AGBL1: variants seen among roughly 807,000 people sequenced by gnomAD.
AGBL1 encodes AGBL carboxypeptidase 1, also known as cytosolic carboxypeptidase 4.
Under a neutral mutation model 118.9 loss-of-function variants are expected in AGBL1, and 130 were observed. The ratio of observed to expected loss-of-function variants is 1.09; its 90% CI spans 0.95 to 1.26. The LOEUF is 1.26. Ranked by LOEUF, AGBL1 falls within the 50% of genes most tolerant of loss-of-function variation. The pLI is 0.00. For synonymous variants in AGBL1, 555 were observed against 478.9 expected (o/e 1.16, Z -2.08); for missense variants, 1,584 against 1,298.1 (o/e 1.22, Z -3.38).
At chr15:86,539,072 A>G (rs1366041809) in intron 19 of AGBL1, among the ~76,000 whole-genome samples, 1 of 132,862 alleles carries the variant, frequency 7.5e-6, no homozygotes. Flanking sequence ...GGTCCTAGGA[A>G]GATGCATAAT....
chr15:86,188,760 G>T lies in AGBL1; in HGVS notation c.488+29734G>T, dbSNP rs2077671680. Among the ~76,000 whole-genome samples, 2 of 152,184 alleles carry T rather than the reference G, an allele frequency of 1.3e-5. 1 individual carries two copies. Among genetic ancestry groups the T allele is most frequent in the South Asian group, 4.1e-4 (2 of 4,832 alleles). On this transcript the variant is annotated intron_variant, in intron 5 of 22. Transcript: ENST00000614907. ...ATGTGCCTACAAGATGGTACATCTT[G>T]ATATACTGTTGCTGGCCATAGAAAA... is the stretch of plus-strand genomic sequence containing the variant.
chr15:87,014,758 C>A (rs2081593084), intron 24 of AGBL1, among the ~76,000 whole-genome samples: 1 of 152,104 alleles, frequency 6.6e-6, no homozygotes, highest in South Asian at 2.1e-4. Context: ...TGGGGGAATA[C>A]CTGAACAAGG....
At chr15:86,225,543 G>A (rs1268154628) in intron 6 of AGBL1, among the ~76,000 whole-genome samples, 1 of 152,096 alleles carries the variant, frequency 6.6e-6, no homozygotes, top group Non-Finnish European at 1.5e-5. Context: ...ATAGCTCTGG[G>A]GTTCTGAATA....
At chr15:86,703,128 G>T (rs1428697763) in intron 22 of AGBL1, among the ~76,000 whole-genome samples, 2 of 152,168 alleles carry the variant, frequency 1.3e-5, no homozygotes, top group African/African-American at 2.4e-5. Flanking sequence ...GTAGAGTGGT[G>T]ATAATGAATC....
intron 21 of AGBL1, among the ~76,000 whole-genome samples, chr15:86,562,720 A>C (rs187096219): frequency 0.011 from 1,666 of 152,298 alleles, 37 homozygotes; most frequent in African/African-American, 0.038. Flanking sequence ...AAGGAATGGT[A>C]CCAGCTCCTC....
chr15:86,491,457 C>G (rs572147337), intron 18 of AGBL1, among the ~76,000 whole-genome samples: 1 of 152,078 alleles, frequency 6.6e-6, no homozygotes, highest in Non-Finnish European at 1.5e-5. Context: ...TTCTGTGAGG[C>G]TTTCAGGCAG....
At chr15:86,136,184 C>A (rs1028065262) in intron 1 of AGBL1, among the ~76,000 whole-genome samples, 9 of 152,164 alleles carry the variant, frequency 5.9e-5, no homozygotes, top group Admixed American at 5.9e-4. Flanking sequence ...AATTTACCTA[C>A]CCACAAAATC....
chr15:86,478,638 A>C (rs574740180), intron 18 of AGBL1, among the ~76,000 whole-genome samples: 3 of 152,288 alleles, frequency 2.0e-5, no homozygotes, highest in African/African-American at 7.2e-5. Context: ...AATCAATATC[A>C]TGAAAATGGC....
chr15:86,136,491 T>C (rs751297245), intron 1 of AGBL1, among the ~76,000 whole-genome samples: 8 of 152,070 alleles, frequency 5.3e-5, no homozygotes, highest in Non-Finnish European at 1.0e-4. Context: ...TATGTGGCAA[T>C]TGTGGGTAAT....
At chr15:86,972,722 G>T (rs72757450) in intron 23 of AGBL1, among the ~76,000 whole-genome samples, 6,102 of 152,084 alleles carry the variant, frequency 0.04, 153 homozygotes, top group Middle Eastern at 0.068. Flanking sequence ...AATGCACTGA[G>T]CATGCATGCT....
At chr15:86,448,695 A>G (rs1314557053) in intron 18 of AGBL1, among the ~76,000 whole-genome samples, 1 of 92,654 alleles carries the variant, frequency 1.1e-5, no homozygotes, top group African/African-American at 7.4e-5. Context: ...GGGCAATCAG[A>G]TTGTCAGGGA....
At chr15:86,409,502 G>A (rs938054040) in intron 18 of AGBL1, among the ~76,000 whole-genome samples, 2 of 152,126 alleles carry the variant, frequency 1.3e-5, no homozygotes, top group Non-Finnish European at 2.9e-5. Context: ...TCAGGAGCTT[G>A]AGGACTCCAT....
chr15:86,412,568 T>C (rs887103240), intron 18 of AGBL1, among the ~76,000 whole-genome samples: 1 of 152,188 alleles, frequency 6.6e-6, no homozygotes, highest in Non-Finnish European at 1.5e-5. Flanking sequence ...AAGGATGAGG[T>C]GCAGCATAGT....
intron 5 of AGBL1, among the ~76,000 whole-genome samples, chr15:86,208,994 C>G (rs1310786275): frequency 2.0e-5 from 3 of 152,050 alleles, no homozygotes. Flanking sequence ...TAAATGTGTC[C>G]CAGAGATTAT....
At chr15:86,527,209 G>A (rs1658747931) in intron 19 of AGBL1, among the ~76,000 whole-genome samples, 1 of 151,900 alleles carries the variant, frequency 6.6e-6, no homozygotes, top group African/African-American at 2.4e-5. Flanking sequence ...ACAGAGAGTG[G>A]GACTTAAAAG....
chr15:86,528,512 G>T (rs1251290452), intron 19 of AGBL1, among the ~76,000 whole-genome samples: 1 of 150,962 alleles, frequency 6.6e-6, no homozygotes, highest in South Asian at 2.1e-4. Context: ...AAACTGCAAG[G>T]TGGCAGCGAG....
At chr15:86,674,491 A>C in intron 22 of AGBL1, 55 bp downstream of exon 22, 1 of 1,531,940 alleles carries the variant, frequency 6.5e-7, no homozygotes, top group Non-Finnish European at 8.9e-7. Flanking sequence ...TCCATTGCTC[A>C]ATATCTCAGT....
At chr15:86,702,203 A>T (rs1567130116) in intron 22 of AGBL1, among the ~76,000 whole-genome samples, 2 of 152,290 alleles carry the variant, frequency 1.3e-5, no homozygotes, top group African/African-American at 4.8e-5. Context: ...TGAAAACTTA[A>T]ATCTAGTAAA....
rs555140121 is a variant in AGBL1, at chr15:86,740,067, AT to A, written c.3158+65640del. 6.9e-4 allele frequency among the ~76,000 whole-genome samples: 105 copies of A among 151,976 alleles called. 1 individual carries two copies. Among genetic ancestry groups the A allele is most frequent in the Non-Finnish European group, 1.2e-3 (80 of 67,928 alleles). Reference sequence around the variant, plus strand: ...TAACCTCACTTTAAAGAGGCAATACATTTTTTTTTAAAGCATAAAAGTGACT... The same window carrying A: ...TAACCTCACTTTAAAGAGGCAATACATTTTTTTTAAAGCATAAAAGTGACT... On this transcript the variant is annotated intron_variant, in intron 22 of 22. Transcript: ENST00000614907.
Sources: gnomAD v4.1 joint callset for allele counts (sites outside exome capture counted in the v4.1 genomes callset) on GRCh38, gnomAD v4.1.1 for gene constraint, MANE v1.5 for transcripts, NCBI Gene and HGNC (gene_info 2026-07-23, HGNC 2026-07-21) for gene names.